Variants in SPIDR observed in about 807,000 individuals in gnomAD.
SPIDR encodes the protein DNA repair-scaffolding protein.
In SPIDR, 93 loss-of-function variants were observed where a neutral mutation model predicts 104.6. That is an observed-to-expected ratio of 0.89 (90% CI 0.75 to 1.06). The LOEUF (loss-of-function observed/expected upper bound fraction) is 1.06. Among genes scored for constraint, SPIDR ranks in the 50% least tolerant of loss-of-function variants. The pLI is 0.00. For missense variants in SPIDR, 1,154 were observed against 1,111.2 expected, an observed-to-expected ratio of 1.04 and a Z score of -0.55; for synonymous variants, 431 against 416.9, an observed-to-expected ratio of 1.03 and a Z score of -0.41.
intron 5 of SPIDR, among the ~76,000 whole-genome samples, chr8:47,311,843 A>G (rs1203307393): frequency 6.6e-6 from 1 of 152,076 alleles, no homozygotes; most frequent in Non-Finnish European, 1.5e-5. Flanking sequence ...AACATTAGGT[A>G]TACCTCCTAA....
intron 11 of SPIDR, chr8:47,688,687 C>T (rs896484439): frequency 6.6e-6 from 1 of 152,314 alleles, no homozygotes; most frequent in Admixed American, 6.5e-5. Context: ...TGCTGTGTAT[C>T]CCCTAGGGCA....
In SPIDR at chr8:47,260,967, C is replaced by T. The variant is rs2154207906; in HGVS notation, c.9C>T (p.Arg3=). The change falls in exon 1 of 20, where the codon CGC becomes CGT. Residue 3 remains arginine (R), a synonymous_variant. Transcript: ENST00000297423. ...AGGCGGCGCTCCCGGAGATGCCCCG[C>T]GGCAGCCGCGCTCGGGGCTCTAAGG... MP[R]GSRARGSKRK... The T allele has an allele frequency of 1.6e-6, 2 of 1,229,766 alleles. No individual in the cohort carries two copies. The highest frequency in any genetic ancestry group is 1.0e-6 in the Non-Finnish European group (1 of 986,422). The allele number at this position is 1,229,766 out of a possible 1,614,324, so 76.2% of individuals were successfully genotyped here.
At chr8:47,647,650 GA>G (rs2070737332) in intron 10 of SPIDR, among the ~76,000 whole-genome samples, 3 of 145,452 alleles carry the variant, frequency 2.1e-5, no homozygotes, top group Admixed American at 6.9e-5. Context: ...GAGAGAGAGA[GA>G]GAGGGAGAGA....
At chr8:47,495,380 CT>C (rs921993882) in intron 8 of SPIDR, among the ~76,000 whole-genome samples, 1 of 149,706 alleles carries the variant, frequency 6.7e-6, no homozygotes, top group African/African-American at 2.5e-5. Context: ...GCTTTACCCC[CT>C]CCCACCCAAA....
At chr8:47,693,167 A>AGG (rs1307974796) in intron 11 of SPIDR, among the ~76,000 whole-genome samples, 3 of 152,256 alleles carry the variant, frequency 2.0e-5, no homozygotes, top group Non-Finnish European at 4.4e-5. Context: ...TGAAGGCAAA[A>AGG]GTTTAATTCA....
intron 11 of SPIDR, among the ~76,000 whole-genome samples, chr8:47,697,530 G>A (rs141860512): frequency 1.4e-4 from 21 of 152,220 alleles, no homozygotes; most frequent in African/African-American, 4.6e-4. Flanking sequence ...GTGACTTTAG[G>A]AAAGCACGCG....
intron 5 of SPIDR, among the ~76,000 whole-genome samples, chr8:47,298,811 A>G (rs1211917274): frequency 1.3e-5 from 2 of 152,154 alleles, no homozygotes; most frequent in African/African-American, 2.4e-5. Context: ...CCATTGGTCT[A>G]TATCTCTGTT....
intron 1 of SPIDR, among the ~76,000 whole-genome samples, chr8:47,261,727 A>T (rs773885794): frequency 6.6e-6 from 1 of 152,178 alleles, no homozygotes; most frequent in Non-Finnish European, 1.5e-5. Flanking sequence ...AATAGACCAC[A>T]TATACTGGTT....
At chr8:47,544,904 T>C (rs1003897039) in intron 8 of SPIDR, among the ~76,000 whole-genome samples, 6 of 152,194 alleles carry the variant, frequency 3.9e-5, no homozygotes, top group Non-Finnish European at 8.8e-5. Context: ...TTGGAAAGAA[T>C]TGAACTACTA....
chr8:47,642,639 C>T (rs1227861861), intron 10 of SPIDR, among the ~76,000 whole-genome samples: 50 of 151,896 alleles, frequency 3.3e-4, no homozygotes, highest in Admixed American at 3.3e-3. Context: ...TGTGGACTGG[C>T]CACGGTGATT....
At chr8:47,665,738 A>C (rs1264851052) in intron 10 of SPIDR, among the ~76,000 whole-genome samples, 2 of 152,204 alleles carry the variant, frequency 1.3e-5, no homozygotes, top group Non-Finnish European at 2.9e-5. Flanking sequence ...GTGACCACTC[A>C]GGGATTCCCT....
chr8:47,281,175 TA>T (rs781961039), intron 2 of SPIDR, among the ~76,000 whole-genome samples: 2 of 151,996 alleles, frequency 1.3e-5, no homozygotes, highest in Non-Finnish European at 2.9e-5. Flanking sequence ...ACTTTGTTGC[TA>T]AAAAAAATGC....
chr8:47,713,084 C>A, intron 15 of SPIDR: 2 of 1,291,534 alleles, frequency 1.5e-6, no homozygotes, highest in Middle Eastern at 2.9e-4. Flanking sequence ...ATGCTGTGCT[C>A]ACTCCAGAAT....
chr8:47,483,325 T>C (rs1399555751), intron 8 of SPIDR, among the ~76,000 whole-genome samples: 3 of 152,206 alleles, frequency 2.0e-5, no homozygotes, highest in Non-Finnish European at 4.4e-5. Context: ...ACTTTTTTAT[T>C]TCCTGCCAGG....
chr8:47,354,487 T>C (rs76363832), intron 5 of SPIDR, among the ~76,000 whole-genome samples: 34 of 152,220 alleles, frequency 2.2e-4, no homozygotes, highest in Admixed American at 1.9e-3. Context: ...TAATTTTTTT[T>C]AAAAAATTTG....
chr8:47,501,646 G>T (rs1389804188), intron 8 of SPIDR, among the ~76,000 whole-genome samples: 1 of 152,092 alleles, frequency 6.6e-6, no homozygotes, highest in Admixed American at 6.5e-5. Flanking sequence ...TCTTTCTCCT[G>T]CCTGATTGCC....
At chr8:47,729,243 AAC>A (rs1457818268) in intron 18 of SPIDR, 167 bp from the exon 19 acceptor site, 7 of 1,439,904 alleles carry the variant, frequency 4.9e-6, no homozygotes, top group South Asian at 1.3e-5. Flanking sequence ...ACCCTATGTG[AAC>A]ACAGTCTCTC....
In SPIDR at chr8:47,486,426, T is replaced by A. The variant is rs181518075; in HGVS notation, c.1097+45884T>A. On this transcript the variant is annotated intron_variant, in intron 8 of 19. Transcript: ENST00000297423. ...AGAATGGAACCAACCTGGAAAACAC[T>A]CTGCGGATATTATCCAGGAGAACTT... Among the ~76,000 whole-genome samples the A allele has an allele frequency of 3.5e-3, 535 of 152,252 alleles. 4 individuals are homozygous for A. The highest frequency in any genetic ancestry group is 0.014 in the Middle Eastern group (4 of 294).
At chr8:47,495,137 G>C (rs1339875924) in intron 8 of SPIDR, among the ~76,000 whole-genome samples, 4 of 151,828 alleles carry the variant, frequency 2.6e-5, no homozygotes, top group African/African-American at 9.7e-5. Flanking sequence ...AAATAACATG[G>C]CAACAATATT....
Sources: allele counts gnomAD v4.1 joint callset (sites outside exome capture counted in the v4.1 genomes callset), GRCh38; gene constraint gnomAD v4.1.1; transcripts MANE v1.5; gene names NCBI Gene and HGNC (gene_info 2026-07-23, HGNC 2026-07-21).